Variants in DMXL2 observed in about 807,000 individuals in gnomAD.
DMXL2 encodes the protein dmX-like protein 2.
DMXL2 carries 103 observed loss-of-function variants against 331.1 expected under a neutral mutation model. The ratio of observed to expected loss-of-function variants is 0.31; its 90% CI spans 0.27 to 0.37. The LOEUF is 0.37. Ranked by LOEUF, DMXL2 falls within the 10% of genes least tolerant of loss-of-function variation. DMXL2 has a pLI of 1.00. For synonymous variants in DMXL2, 1,281 were observed against 1,252.1 expected, an observed-to-expected ratio of 1.02 and a Z score of -0.49; for missense variants, 3,171 against 3,642.9, an observed-to-expected ratio of 0.87 and a Z score of 3.33.
intron 41 of DMXL2, among the ~76,000 whole-genome samples, chr15:51,453,064 A>G (rs892316983): frequency 6.6e-6 from 1 of 151,982 alleles, no homozygotes; most frequent in Non-Finnish European, 1.5e-5. Context: ...AGAATGATAT[A>G]TAATGGACTC....
In DMXL2 at chr15:51,458,630, A is replaced by G; in HGVS notation, c.8077-3T>C. The G allele has an allele frequency of 1.9e-6, 3 of 1,613,992 alleles. No individual in the cohort carries two copies. The highest frequency in any genetic ancestry group is 1.3e-5 in the African/African-American group (1 of 75,070). ...AAAACAATTTCATTACAATTTGCCT[A>G]TAAAGCAAAGGCAGAATCGATGATT... On this transcript the variant is annotated splice_region_variant and splice_polypyrimidine_tract_variant and intron_variant, in intron 35 of 43. Coordinates refer to ENST00000560891, the MANE Select transcript of DMXL2 (RefSeq NM_001378457.1).
chr15:51,507,096 G>A, intron 16 of DMXL2, 38 bp downstream of exon 16: 1 of 1,432,186 alleles, frequency 7.0e-7, no homozygotes, highest in Non-Finnish European at 9.3e-7. Flanking sequence ...AAATAAATTT[G>A]TTATGTATCA....
Position 51,536,849 on chromosome 15 carries a change from G to A in DMXL2, c.1631C>T (p.Ser544Phe). The A allele has an allele frequency of 6.3e-7, 1 of 1,595,804 alleles. No homozygotes were observed. The highest frequency in any genetic ancestry group is 8.5e-7 in the Non-Finnish European group (1 of 1,174,480). ...IFRQVQVSFSSRIPVAFPSGD... is the reference protein window; with the variant it reads ...IFRQVQVSFSFRIPVAFPSGD... ...AGAGGGAAATGCAACAGGAATCCGA[G>A]AAGAAAAAGAAACCTGAAAAACATA... The change falls in exon 12 of 44, where the codon TCT becomes TTT. Residue 544 changes from serine (S) to phenylalanine (F), a missense_variant. Physicochemically the swap from Ser to Phe is radical, Grantham distance 155. Transcript: ENST00000560891.
intron 13 of DMXL2, among the ~76,000 whole-genome samples, chr15:51,534,415 T>C (rs1337648303): frequency 6.6e-6 from 1 of 152,204 alleles, no homozygotes; most frequent in Non-Finnish European, 1.5e-5. Flanking sequence ...AGATTTATTC[T>C]AAGTAGAACT....
In DMXL2 at chr15:51,576,182, CTA is replaced by C; in HGVS notation, c.88-3_88-2del. 2 of 734,596 alleles carry C rather than the reference CTA, an allele frequency of 2.7e-6. No individual in the cohort carries two copies. Among genetic ancestry groups the C allele is most frequent in the Non-Finnish European group, 3.4e-6 (2 of 583,354 alleles). 45.5% of individuals were successfully genotyped at this position (734,596 alleles called of 1,614,324 possible). ...CAATATCACAGCCTGATCCATATGC[CTA>C]AAAAAAAAAAAAAAAAAAAGTTTTA... On this transcript the variant is annotated splice_acceptor_variant and splice_polypyrimidine_tract_variant and intron_variant, in intron 1 of 43. Coordinates refer to ENST00000560891, the MANE Select transcript of DMXL2 (RefSeq NM_001378457.1). LOFTEE classifies it high-confidence loss of function.
chr15:51,487,703 C>T lies in DMXL2; in HGVS notation c.5217+251G>A, dbSNP rs78843132. Among the ~76,000 whole-genome samples, 415 of 152,298 alleles carry T rather than the reference C, an allele frequency of 2.7e-3. 19 individuals are homozygous for T. In the East Asian group the frequency reaches 0.065, roughly 24 times the overall value. ...GAACTCCTGACCTCAGGTGATCTAC[C>T]TTCCCTGGCCTCCCAAAGAGCTGGG... On this transcript the variant is annotated intron_variant, in intron 22 of 43. Coordinates refer to ENST00000560891, the MANE Select transcript of DMXL2 (RefSeq NM_001378457.1).
At chr15:51,621,098 AAAACC>A (rs71792505) in intron 1 of DMXL2, among the ~76,000 whole-genome samples, 71,820 of 151,562 alleles carry the variant, frequency 0.47, 17,353 homozygotes, top group Non-Finnish European at 0.52. Context: ...TCTATCCCCA[AAAACC>A]AAGATTCTCC....
At chr15:51,571,996 G>C (rs1274872212) in intron 2 of DMXL2, among the ~76,000 whole-genome samples, 1 of 152,038 alleles carries the variant, frequency 6.6e-6, no homozygotes, top group Non-Finnish European at 1.5e-5. Flanking sequence ...ATGAATCCAG[G>C]AACTGGTTTT....
At chr15:51,537,394 T>A in intron 11 of DMXL2, 94 bp downstream of exon 11, 12 of 1,359,478 alleles carry the variant, frequency 8.8e-6, no homozygotes, top group Non-Finnish European at 1.2e-5. Flanking sequence ...AACCAAAATT[T>A]TCAGTAATTC....
At chr15:51,483,790 G>A (rs8028658) in intron 23 of DMXL2, among the ~76,000 whole-genome samples, 3,436 of 152,164 alleles carry the variant, frequency 0.023, 123 homozygotes, top group African/African-American at 0.068. Context: ...CCACTTCCAC[G>A]GCCCTGTGGG....
At chr15:51,456,269 A>G in intron 38 of DMXL2, 40 bp downstream of exon 38, 1 of 1,595,346 alleles carries the variant, frequency 6.3e-7, no homozygotes, top group Non-Finnish European at 8.5e-7. Context: ...ATCAACCTCC[A>G]AATGAGGACA....
intron 8 of DMXL2, among the ~76,000 whole-genome samples, chr15:51,545,206 A>G (rs2048824806): frequency 6.6e-6 from 1 of 152,162 alleles, no homozygotes; most frequent in Non-Finnish European, 1.5e-5. Flanking sequence ...TTTATGAAAC[A>G]AAAGCAAAAT....
At chr15:51,607,980 G>A (rs958382688) in intron 1 of DMXL2, among the ~76,000 whole-genome samples, 4 of 152,134 alleles carry the variant, frequency 2.6e-5, no homozygotes, top group Non-Finnish European at 5.9e-5. Flanking sequence ...GAGGTCAGGA[G>A]TTCAAGACCA....
intron 1 of DMXL2, among the ~76,000 whole-genome samples, chr15:51,610,225 T>G (rs1462597599): frequency 6.6e-6 from 1 of 152,184 alleles, no homozygotes; most frequent in Non-Finnish European, 1.5e-5. Context: ...ACAGATCAAT[T>G]CACCAAGAAG....
chr15:51,588,282 C>G (rs994072733), intron 1 of DMXL2, among the ~76,000 whole-genome samples: 8 of 151,976 alleles, frequency 5.3e-5, no homozygotes, highest in Non-Finnish European at 8.8e-5. Context: ...TTCAGCCTCC[C>G]AAATAGCTAG....
rs58113467 is a variant in DMXL2, at chr15:51,605,517, C to CTTTT, written c.87+16938_87+16941dup. On this transcript the variant is annotated intron_variant, in intron 1 of 43. Transcript: ENST00000560891. ...GGCCCAGCCCATACAGATTAATATT[C>CTTTT]TTTTTTTTTTTTTTTTTTTTTTTTT... Among the ~76,000 whole-genome samples the CTTTT allele has an allele frequency of 2.8e-3, 63 of 22,226 alleles. 27 individuals are homozygous for CTTTT. The highest frequency in any genetic ancestry group is 4.5e-3 in the Non-Finnish European group (38 of 8,538). The allele number at this position is 22,226 out of a possible 152,430, so 14.6% of individuals were successfully genotyped here. A position where few individuals can be genotyped will look rare whatever the true frequency, so the allele number is the denominator to read the frequency against.
intron 6 of DMXL2, among the ~76,000 whole-genome samples, chr15:51,550,630 A>G (rs2049156954): frequency 6.6e-6 from 1 of 152,164 alleles, no homozygotes; most frequent in African/African-American, 2.4e-5. Context: ...AGAAAACAGG[A>G]TACTTTAAAT....
At chr15:51,466,145 A>C in intron 30 of DMXL2, 39 bp downstream of exon 30, 1 of 1,403,430 alleles carries the variant, frequency 7.1e-7, no homozygotes, top group Non-Finnish European at 9.3e-7. Flanking sequence ...CAAAAAGAAA[A>C]GCCAAAAAAA....
At chr15:51,553,453 AT>A (rs986917072) in intron 6 of DMXL2, among the ~76,000 whole-genome samples, 14 of 152,228 alleles carry the variant, frequency 9.2e-5, no homozygotes, top group African/African-American at 3.4e-4. Flanking sequence ...TCTAAAATGC[AT>A]TTTCTTTGCC....
Sources: gnomAD v4.1 joint callset for allele counts (sites outside exome capture counted in the v4.1 genomes callset) on GRCh38, gnomAD v4.1.1 for gene constraint, MANE v1.5 for transcripts, NCBI Gene and HGNC (gene_info 2026-07-23, HGNC 2026-07-21) for gene names.